GRID2: variants seen among roughly 807,000 people sequenced by gnomAD.
GRID2 encodes the protein glutamate ionotropic receptor delta type subunit 2.
Under a neutral mutation model 114.8 loss-of-function variants are expected in GRID2, and 33 were observed. The observed-to-expected ratio is 0.29, with a 90% CI of 0.22 to 0.38. The LOEUF is 0.38. Among genes scored for constraint, GRID2 ranks in the 10% least tolerant of loss-of-function variants. GRID2 has a pLI of 1.00. For synonymous variants in GRID2, 505 were observed against 449.9 expected (o/e 1.12, Z -1.55); for missense variants, 1,184 against 1,257.7 (o/e 0.94, Z 0.89).
chr4:92,714,830 G>T (rs368073942), intron 2 of GRID2, among the ~76,000 whole-genome samples: 4 of 152,112 alleles, frequency 2.6e-5, no homozygotes, highest in African/African-American at 7.2e-5. Flanking sequence ...GGCCCAGCCC[G>T]TGAAACCATT....
At chr4:92,949,762 CT>C in intron 2 of GRID2, among the ~76,000 whole-genome samples, 1 of 151,892 alleles carries the variant, frequency 6.6e-6, no homozygotes, top group Non-Finnish European at 1.5e-5. Context: ...CAAATTGAAA[CT>C]GAACTGATGT....
intron 1 of GRID2, among the ~76,000 whole-genome samples, chr4:92,419,114 C>A (rs911250267): frequency 2.6e-5 from 4 of 152,034 alleles, no homozygotes; most frequent in Non-Finnish European, 5.9e-5. Flanking sequence ...AAAATGTAGA[C>A]AAGTTTGTCA....
intron 13 of GRID2, among the ~76,000 whole-genome samples, chr4:93,550,939 G>C (rs73839585): frequency 2.0e-5 from 3 of 152,096 alleles, no homozygotes; most frequent in Admixed American, 6.6e-5. Flanking sequence ...ATAGAATAAC[G>C]GTTAAGGATT....
intron 14 of GRID2, among the ~76,000 whole-genome samples, chr4:93,725,700 T>C (rs1729807904): frequency 6.6e-6 from 1 of 151,348 alleles, no homozygotes; most frequent in Non-Finnish European, 1.5e-5. Context: ...TGGTATCTCA[T>C]TGTGGTTTTG....
chr4:93,142,408 C>G (rs2149387544), intron 4 of GRID2, among the ~76,000 whole-genome samples: 1 of 152,208 alleles, frequency 6.6e-6, no homozygotes. Context: ...GCCCTGCTTC[C>G]TCAGTGGTCA....
At chr4:93,013,548 T>A (rs1722393564) in intron 2 of GRID2, among the ~76,000 whole-genome samples, 1 of 151,930 alleles carries the variant, frequency 6.6e-6, no homozygotes, top group Non-Finnish European at 1.5e-5. Flanking sequence ...ACATACATAT[T>A]TTAGGGGGTT....
intron 2 of GRID2, among the ~76,000 whole-genome samples, chr4:93,004,815 G>A (rs975746884): frequency 6.6e-6 from 1 of 151,980 alleles, no homozygotes; most frequent in Non-Finnish European, 1.5e-5. Context: ...AAATTCAATG[G>A]CCAGTTCTCT....
At chr4:92,854,945 T>C (rs1355287205) in intron 2 of GRID2, among the ~76,000 whole-genome samples, 1 of 152,096 alleles carries the variant, frequency 6.6e-6, no homozygotes, top group Non-Finnish European at 1.5e-5. Context: ...TAATATTTTG[T>C]GTTTTCTACA....
intron 8 of GRID2, among the ~76,000 whole-genome samples, chr4:93,354,952 T>C (rs1192674812): frequency 2.0e-5 from 3 of 150,806 alleles, no homozygotes; most frequent in African/African-American, 7.3e-5. Context: ...ACTGAGCTTA[T>C]TTTTAAATTT....
At chr4:92,322,765 CT>C (rs1218845308) in intron 1 of GRID2, among the ~76,000 whole-genome samples, 1 of 151,988 alleles carries the variant, frequency 6.6e-6, no homozygotes, top group Non-Finnish European at 1.5e-5. Context: ...TTATTCTTTC[CT>C]TTTATGCTGA....
intron 13 of GRID2, among the ~76,000 whole-genome samples, chr4:93,520,039 G>T (rs572805620): frequency 6.6e-6 from 1 of 152,226 alleles, no homozygotes; most frequent in Admixed American, 6.5e-5. Flanking sequence ...CCAGTGTCAT[G>T]GGTTTTAGAA....
At chr4:93,628,244 G>A (rs1368399573) in intron 14 of GRID2, among the ~76,000 whole-genome samples, 2 of 152,040 alleles carry the variant, frequency 1.3e-5, no homozygotes, top group Non-Finnish European at 2.9e-5. Context: ...ATGCCATAGG[G>A]AATCCGTCTG....
intron 4 of GRID2, among the ~76,000 whole-genome samples, chr4:93,178,991 A>G (rs1051012358): frequency 2.0e-5 from 3 of 152,068 alleles, no homozygotes; most frequent in African/African-American, 7.2e-5. Flanking sequence ...ATTTGGACCT[A>G]TGCTAATAGT....
intron 13 of GRID2, among the ~76,000 whole-genome samples, chr4:93,612,959 T>C (rs1741129055): frequency 1.4e-5 from 2 of 147,132 alleles, no homozygotes; most frequent in South Asian, 2.2e-4. Flanking sequence ...CAATCAGACG[T>C]AGATTTGGTC....
chr4:92,607,452 C>T (rs946319687), intron 2 of GRID2, among the ~76,000 whole-genome samples: 1 of 151,794 alleles, frequency 6.6e-6, no homozygotes, highest in Non-Finnish European at 1.5e-5. Context: ...GTAAACTAGA[C>T]TCATTATTAA....
intron 13 of GRID2, among the ~76,000 whole-genome samples, chr4:93,556,107 A>C (rs1282244891): frequency 1.3e-5 from 2 of 152,210 alleles, no homozygotes; most frequent in Non-Finnish European, 2.9e-5. Flanking sequence ...TCTGAAGGTC[A>C]CCAGCATCAA....
intron 4 of GRID2, among the ~76,000 whole-genome samples, chr4:93,123,103 C>G (rs1733946136): frequency 6.6e-6 from 1 of 151,874 alleles, no homozygotes; most frequent in Non-Finnish European, 1.5e-5. Context: ...GTCTAAACTT[C>G]CAAATAAAAC....
intron 1 of GRID2, among the ~76,000 whole-genome samples, chr4:92,329,883 CTAAGTGAT>C (rs1305354003): frequency 6.7e-6 from 1 of 149,262 alleles, no homozygotes; most frequent in African/African-American, 2.5e-5. Flanking sequence ...GAGACTAAAA[CTAAGTGAT>C]TATTCAGGAA....
chr4:92,456,907 A>G (rs1298343201), intron 1 of GRID2, among the ~76,000 whole-genome samples: 2 of 152,090 alleles, frequency 1.3e-5, no homozygotes, highest in Non-Finnish European at 2.9e-5. Context: ...AATAACAGGT[A>G]TGTTATGAAA....
Sources: allele counts gnomAD v4.1 joint callset (sites outside exome capture counted in the v4.1 genomes callset), GRCh38; gene constraint gnomAD v4.1.1; transcripts MANE v1.5; gene names NCBI Gene and HGNC (gene_info 2026-07-23, HGNC 2026-07-21).